TENT2: variants seen among roughly 807,000 people sequenced by gnomAD.
The protein encoded by TENT2 is terminal nucleotidyltransferase 2, also known as poly(A) RNA polymerase GLD2.
Under a neutral mutation model 72.2 loss-of-function variants are expected in TENT2, and 44 were observed. The observed-to-expected ratio is 0.61, with a 90% CI of 0.48 to 0.78. The LOEUF (loss-of-function observed/expected upper bound fraction) is 0.78. Ranked by LOEUF, TENT2 falls within the 30% of genes least tolerant of loss-of-function variation. TENT2 has a pLI of 0.00. For synonymous variants in TENT2, 212 were observed against 192.5 expected (o/e 1.10, Z -0.84); for missense variants, 541 against 569.6 (o/e 0.95, Z 0.51).
intron 4 of TENT2, among the ~76,000 whole-genome samples, chr5:79,624,655 C>T (rs1407290791): frequency 6.6e-6 from 1 of 152,152 alleles, no homozygotes; most frequent in East Asian, 1.9e-4. Flanking sequence ...TGAAATCATT[C>T]AATATGTGGC....
chr5:79,683,398 A>G (rs1823745490), intron 14 of TENT2, among the ~76,000 whole-genome samples: 1 of 151,902 alleles, frequency 6.6e-6, no homozygotes, highest in East Asian at 1.9e-4. Context: ...TGTCTTAGCT[A>G]CTGGGGAGGC....
intron 11 of TENT2, among the ~76,000 whole-genome samples, chr5:79,661,499 T>G (rs1227150707): frequency 6.6e-6 from 1 of 152,230 alleles, no homozygotes; most frequent in Non-Finnish European, 1.5e-5. Context: ...GTTGCAGGTT[T>G]GGTTCCAGGC....
intron 3 of TENT2, 52 bp downstream of exon 3, chr5:79,620,135 C>T (rs531900368): frequency 4.9e-6 from 6 of 1,233,580 alleles, no homozygotes; most frequent in Non-Finnish European, 5.8e-6. Context: ...TCTGAGAACT[C>T]TGTAATGATG....
intron 4 of TENT2, among the ~76,000 whole-genome samples, chr5:79,625,848 GAT>G (rs1234022477): frequency 2.2e-4 from 32 of 145,540 alleles, no homozygotes; most frequent in African/African-American, 7.2e-4. Context: ...TTTTTTTTTT[GAT>G]ATAGAGTCTA....
At chr5:79,663,924 C>G (rs1580552533) in intron 11 of TENT2, among the ~76,000 whole-genome samples, 2 of 152,166 alleles carry the variant, frequency 1.3e-5, no homozygotes, top group East Asian at 3.9e-4. Context: ...ACAGTGGGCG[C>G]TCTGTATGTG....
intron 11 of TENT2, among the ~76,000 whole-genome samples, chr5:79,666,425 C>G (rs1808058498): frequency 6.6e-6 from 1 of 150,386 alleles, no homozygotes; most frequent in Admixed American, 6.6e-5. Flanking sequence ...TGCAGTGGTG[C>G]AATGATGAGC....
intron 10 of TENT2, 122 bp from the exon 11 acceptor site, chr5:79,656,836 G>T: frequency 1.7e-6 from 1 of 583,798 alleles, no homozygotes; most frequent in Non-Finnish European, 3.0e-6. Context: ...TGAAATATTT[G>T]AAAATTGTTG....
chr5:79,641,366 A>C (rs187748298), intron 6 of TENT2, among the ~76,000 whole-genome samples, 170 bp downstream of exon 6: 10 of 151,862 alleles, frequency 6.6e-5, no homozygotes, highest in African/African-American at 2.2e-4. Context: ...AGGCATGTGC[A>C]CAATAAGCAT....
intron 11 of TENT2, among the ~76,000 whole-genome samples, chr5:79,662,554 T>C (rs1270296208): frequency 1.3e-5 from 2 of 152,170 alleles, no homozygotes; most frequent in African/African-American, 2.4e-5. Flanking sequence ...TTAGCAGGCA[T>C]GAAAACATTA....
chr5:79,669,801 ATAT>A (rs752612903), intron 12 of TENT2, among the ~76,000 whole-genome samples: 5 of 151,824 alleles, frequency 3.3e-5, no homozygotes, highest in Non-Finnish European at 7.4e-5. Flanking sequence ...TATATTTATT[ATAT>A]TATTATTTAT....
intron 4 of TENT2, among the ~76,000 whole-genome samples, chr5:79,628,149 C>T (rs1433786509): frequency 6.6e-6 from 1 of 152,132 alleles, no homozygotes; most frequent in Non-Finnish European, 1.5e-5. Flanking sequence ...TAATCTGTGA[C>T]AGTGGTAGCT....
At chr5:79,660,345 T>C (rs1801830664) in intron 11 of TENT2, among the ~76,000 whole-genome samples, 1 of 152,148 alleles carries the variant, frequency 6.6e-6, no homozygotes, top group Non-Finnish European at 1.5e-5. Flanking sequence ...ATTGAGCTTA[T>C]GAAGGAATCT....
chr5:79,681,131 TTC>T (rs980918262), intron 13 of TENT2, among the ~76,000 whole-genome samples: 2 of 150,528 alleles, frequency 1.3e-5, no homozygotes, highest in African/African-American at 4.9e-5. Context: ...TGCAAGTTAC[TTC>T]TTTTTTCTTT....
intron 11 of TENT2, among the ~76,000 whole-genome samples, chr5:79,660,031 G>T (rs531865852): frequency 6.6e-6 from 1 of 151,948 alleles, no homozygotes; most frequent in East Asian, 1.9e-4. Context: ...ACAAAATAGG[G>T]TTTATTTTTA....
In TENT2 at chr5:79,685,372, GTTC is replaced by G. The variant is rs2151041645; in HGVS notation, c.*102_*104del. ...CTCCATCATAGTTGCTTTTTTCATA[GTTC>G]TTGTTTTCATGTTTTATTTTTAAAA... On this transcript the variant is annotated 3_prime_UTR_variant, in exon 15 of 15. Coordinates refer to ENST00000453514, the MANE Select transcript of TENT2 (RefSeq NM_001114394.3). 2 of 781,912 alleles carry G rather than the reference GTTC, an allele frequency of 2.6e-6. No individual in the cohort carries two copies. The highest frequency in any genetic ancestry group is 3.9e-6 in the Non-Finnish European group (2 of 512,952). The allele number at this position is 781,912 out of a possible 1,614,324, so 48.4% of individuals were successfully genotyped here. A position where few individuals can be genotyped will look rare whatever the true frequency, so the allele number is the denominator to read the frequency against.
chr5:79,660,323 A>G (rs1424374041), intron 11 of TENT2, among the ~76,000 whole-genome samples: 1 of 152,144 alleles, frequency 6.6e-6, no homozygotes, highest in Non-Finnish European at 1.5e-5. Flanking sequence ...AGAAAGTTAA[A>G]TATATAAACA....
At chr5:79,682,866 A>G (rs1021665984) in intron 14 of TENT2, among the ~76,000 whole-genome samples, 3 of 152,180 alleles carry the variant, frequency 2.0e-5, no homozygotes, top group Admixed American at 6.5e-5. Context: ...CTTAATCTTC[A>G]GGGACTTCAC....
chr5:79,685,253 G>A lies in TENT2; in HGVS notation c.1435G>A (p.Ala479Thr), dbSNP rs1172295499. 1.2e-6 allele frequency: 2 copies of A among 1,600,762 alleles called. No individual in the cohort carries two copies. Among genetic ancestry groups the A allele is most frequent in the Non-Finnish European group, 1.7e-6 (2 of 1,176,026 alleles). ...TTTGAACAGTATACTACCTGTAAGA[G>A]CTGCTGTCCTGAAAAGATAACTGGC... ...RDLNSILPVR[A>T]AVLKR Residue 479 changes from alanine to threonine, a missense_variant, in exon 15 of 15, where the codon GCT (alanine) becomes ACT (threonine). Ala to Thr is a moderately conservative substitution (Grantham distance 58, BLOSUM62 0). Transcript: ENST00000453514.
At chr5:79,645,035 G>A in intron 7 of TENT2, 88 bp from the exon 8 acceptor site, 1 of 999,716 alleles carries the variant, frequency 1.0e-6, no homozygotes, top group Non-Finnish European at 1.4e-6. Flanking sequence ...TTTTAGCTTA[G>A]TAAATACTAT....
Sources: allele counts gnomAD v4.1 joint callset (sites outside exome capture counted in the v4.1 genomes callset), GRCh38; gene constraint gnomAD v4.1.1; transcripts MANE v1.5; gene names NCBI Gene and HGNC (gene_info 2026-07-23, HGNC 2026-07-21).